RHOQ: variants seen among roughly 807,000 people sequenced by gnomAD.
RHOQ encodes ras homolog family member Q, also known as rho-related GTP-binding protein RhoQ.
In RHOQ, 7 loss-of-function variants were observed where a neutral mutation model predicts 25.8. That is an observed-to-expected ratio of 0.27 (90% CI 0.15 to 0.51). The LOEUF is 0.51. Among genes scored for constraint, RHOQ ranks in the 20% least tolerant of loss-of-function variants. The pLI is 0.97. For missense variants in RHOQ, 165 were observed against 260.6 expected (o/e 0.63, Z 2.53); for synonymous variants, 97 against 98.6 (o/e 0.98, Z 0.10).
intron 4 of RHOQ, chr2:46,580,691 G>C (rs1196993130): frequency 2.9e-6 from 1 of 344,604 alleles, no homozygotes; most frequent in African/African-American, 2.1e-5. Flanking sequence ...CCTAAACAGT[G>C]CTTGACATAT....
chr2:46,553,644 G>A (rs911448390), intron 2 of RHOQ, among the ~76,000 whole-genome samples: 2 of 151,624 alleles, frequency 1.3e-5, no homozygotes, highest in African/African-American at 2.4e-5. Flanking sequence ...GCAGTGGCAC[G>A]GTCTTGGCTC....
At chr2:46,572,852 GAAAGATT>G (rs1166794168) in intron 2 of RHOQ, 1 of 408,266 alleles carries the variant, frequency 2.4e-6, no homozygotes, top group Non-Finnish European at 4.9e-6. Context: ...GGCTGAAGAT[GAAAGATT>G]CTGCACACCT....
At chr2:46,568,742 T>G (rs2104015126) in intron 2 of RHOQ, 1 of 152,228 alleles carries the variant, frequency 6.6e-6, no homozygotes, top group East Asian at 1.9e-4. Flanking sequence ...CCCCCAGACA[T>G]AGGGTGGTAC....
Position 46,548,793 on chromosome 2 carries a change from T to A in RHOQ, c.201+4981T>A, listed in dbSNP as rs1668151738. On this transcript the variant is annotated intron_variant, in intron 2 of 4. Transcript: ENST00000238738. This position sits in a 1 kb window ranked among gnomAD's most constrained non-coding sequence, Gnocchi z 5.2. ...CATGTGTGCATTTTGCTAACCTTTT[T>A]AGAAGCTATTTATATCTCTAGCCCA... Among the ~76,000 whole-genome samples the A allele has an allele frequency of 6.6e-6, 1 of 152,226 alleles. No individual in the cohort carries two copies. Among genetic ancestry groups the A allele is most frequent in the Non-Finnish European group, 1.5e-5 (1 of 68,038 alleles).
chr2:46,567,419 G>A (rs555718106), intron 2 of RHOQ, among the ~76,000 whole-genome samples: 8 of 151,094 alleles, frequency 5.3e-5, no homozygotes, highest in Non-Finnish European at 1.0e-4. Flanking sequence ...TTTGAGACAG[G>A]GTGTCGTTCT....
intron 2 of RHOQ, among the ~76,000 whole-genome samples, chr2:46,546,451 C>CATATATATATATATATATGTAT (rs1668047022): frequency 6.4e-5 from 3 of 47,126 alleles, no homozygotes; most frequent in Non-Finnish European, 1.3e-4. Flanking sequence ...TACACATATA[C>CATATATATATATATATATGTAT]ATATATATAT....
intron 2 of RHOQ, among the ~76,000 whole-genome samples, chr2:46,574,492 A>G (rs1336611343): frequency 6.6e-6 from 1 of 152,160 alleles, no homozygotes. Context: ...CTGGGGGTAT[A>G]ACGTGTTTCA....
intron 4 of RHOQ, among the ~76,000 whole-genome samples, chr2:46,579,371 G>A (rs190672821): frequency 1.6e-4 from 25 of 152,308 alleles, no homozygotes; most frequent in Admixed American, 9.1e-4. Flanking sequence ...CTTGTAGCTT[G>A]CACAGTCTAC....
At position 46,576,152 on chromosome 2, in the gene RHOQ, G is replaced by T; in HGVS notation, c.267G>T (p.Ser89=). The part of the protein sequence containing the change: ...PMTDVFLICF[S]VVNPASFQNV... ...CCGATGTCTTCCTTATATGCTTCTC[G>T]GTGGTAAATCCAGCCTCATTTCAAA... The change falls in exon 3 of 5, where the codon TCG becomes TCT. Residue 89 remains serine (S), a synonymous_variant. Transcript: ENST00000238738. This position sits in a 1 kb window ranked among gnomAD's most constrained non-coding sequence, Gnocchi z 5.1. The T allele has an allele frequency of 6.2e-7, 1 of 1,613,436 alleles. No individual in the cohort carries two copies. Among genetic ancestry groups the T allele is most frequent in the Non-Finnish European group, 8.5e-7 (1 of 1,179,688 alleles).
Position 46,555,942 on chromosome 2 carries a change from C to G in RHOQ, c.201+12130C>G, listed in dbSNP as rs1328747727. Among the ~76,000 whole-genome samples, 8 of 152,174 alleles carry G rather than the reference C, an allele frequency of 5.3e-5. No homozygotes were observed. In the East Asian group the frequency reaches 1.3e-3, roughly 26 times the overall value. On this transcript the variant is annotated intron_variant, in intron 2 of 4. Coordinates refer to ENST00000238738, the MANE Select transcript of RHOQ (RefSeq NM_012249.4). The surrounding 1 kb of genome is among the most constrained non-coding windows in gnomAD (Gnocchi z 4.3). ...TTACTCAGAGAAATTGCTGGTGTGT[C>G]AAACTGCTTGATATGTAAGTTTCCT...
At chr2:46,577,338 A>G (rs1013687335) in intron 4 of RHOQ, among the ~76,000 whole-genome samples, 1 of 143,652 alleles carries the variant, frequency 7.0e-6, no homozygotes, top group Non-Finnish European at 1.5e-5. Context: ...ATTGGATTCT[A>G]TTTTTTAAAT....
intron 2 of RHOQ, chr2:46,568,178 T>C (rs1668794279): frequency 6.6e-6 from 1 of 152,214 alleles, no homozygotes; most frequent in African/African-American, 2.4e-5. Flanking sequence ...AGGTGTTCCA[T>C]GGTGAGCAGG....
intron 2 of RHOQ, among the ~76,000 whole-genome samples, chr2:46,573,654 A>G (rs1669010553): frequency 6.6e-6 from 1 of 152,214 alleles, no homozygotes; most frequent in Non-Finnish European, 1.5e-5. Context: ...TCTGTAAAAT[A>G]CTTGGATTAA....
chr2:46,550,633 T>C (rs558321486), intron 2 of RHOQ, among the ~76,000 whole-genome samples: 2 of 152,346 alleles, frequency 1.3e-5, no homozygotes, highest in East Asian at 3.9e-4. Flanking sequence ...TAGTTCTACC[T>C]CTTTGTAGCT....
intron 2 of RHOQ, among the ~76,000 whole-genome samples, chr2:46,561,678 G>T (rs898656477): frequency 6.6e-6 from 1 of 152,146 alleles, no homozygotes. Context: ...CTGAATCCCT[G>T]TGGCACTTAG....
chr2:46,580,261 A>C (rs981161487), intron 4 of RHOQ: 4 of 152,248 alleles, frequency 2.6e-5, no homozygotes, highest in African/African-American at 7.2e-5. Context: ...TGTTCCCTCA[A>C]AGTTCTACCT....
At chr2:46,580,859 ATG>A (rs1374787067) in intron 4 of RHOQ, 67 bp from the exon 5 acceptor site, 1 of 1,061,896 alleles carries the variant, frequency 9.4e-7, no homozygotes, top group African/African-American at 1.6e-5. Flanking sequence ...CTTTATAATG[ATG>A]TGTTTATGTC....
chr2:46,581,745 C>G lies in RHOQ; in HGVS notation c.*662C>G. The stretch of plus-strand genomic sequence containing the variant: ...GTCATAACTGCATTTATCATGAACA[C>G]TAAAAATGTACACATTTTAGTTAAT... On this transcript the variant is annotated 3_prime_UTR_variant, in exon 5 of 5. Transcript: ENST00000238738. The G allele has an allele frequency of 9.1e-7, 1 of 1,093,772 alleles. No homozygotes were observed. Among genetic ancestry groups the G allele is most frequent in the South Asian group, 1.8e-5 (1 of 55,390 alleles). 67.8% of individuals were successfully genotyped at this position (1,093,772 alleles called of 1,614,324 possible). A position where few individuals can be genotyped will look rare whatever the true frequency, so the allele number is the denominator to read the frequency against.
chr2:46,567,060 T>C (rs887221949), intron 2 of RHOQ, among the ~76,000 whole-genome samples: 13 of 152,230 alleles, frequency 8.5e-5, no homozygotes, highest in African/African-American at 2.9e-4. Context: ...ATGAAATCTA[T>C]AGATAATATA....
Sources: gnomAD v4.1 joint callset for allele counts (sites outside exome capture counted in the v4.1 genomes callset) on GRCh38, gnomAD v4.1.1 for gene constraint, Gnocchi (gnomAD v3.1) non-coding constraint, MANE v1.5 for transcripts, NCBI Gene and HGNC (gene_info 2026-07-23, HGNC 2026-07-21) for gene names.